The following CDKN2B-AS1 variants were observed in gnomAD, a reference collection of about 807,000 sequenced individuals.
CDKN2B-AS1 encodes the protein CDKN2B and CDKN2A antisense cis and trans regulatory RNA 1, also known as CDKN2B antisense RNA 1 (non-protein coding).
rs559963427 is a variant in CDKN2B-AS1 at position 22,049,682 on chromosome 9, G to T, written n.302+454G>T. 1.7e-3 allele frequency among the ~76,000 whole-genome samples: 252 copies of T among 152,234 alleles called. 4 individuals are homozygous for T. Among genetic ancestry groups the T allele is most frequent in the African/African-American group, 5.8e-3 (240 of 41,544 alleles). ...GGGATGACTCACATTAAGATCAAGGGCCCTGAAGTAAGACAGACCTGAGTC... is the reference window on the plus strand; with the variant it reads ...GGGATGACTCACATTAAGATCAAGGTCCCTGAAGTAAGACAGACCTGAGTC... On this transcript the variant is annotated intron_variant and non_coding_transcript_variant, in intron 3 of 4. Coordinates refer to ENST00000650946, the Ensembl canonical transcript of CDKN2B-AS1.
At chr9:22,103,532 A>G (rs1825561116) in intron 4 of CDKN2B-AS1, among the ~76,000 whole-genome samples, 1 of 152,174 alleles carries the variant, frequency 6.6e-6, no homozygotes, top group South Asian at 2.1e-4. Context: ...AATGCTGCCC[A>G]ATCAGAAGAT....
At chr9:22,070,141 A>T (rs1476369865) in intron 4 of CDKN2B-AS1, among the ~76,000 whole-genome samples, 2 of 152,158 alleles carry the variant, frequency 1.3e-5, no homozygotes, top group East Asian at 3.9e-4. Flanking sequence ...TATTATTGCC[A>T]AGTGGTTGGA....
chr9:22,089,631 G>A (rs1020829591), intron 4 of CDKN2B-AS1, among the ~76,000 whole-genome samples: 2 of 150,994 alleles, frequency 1.3e-5, no homozygotes, highest in Non-Finnish European at 2.9e-5. Flanking sequence ...CCCTTATTTT[G>A]TAGGGACAAG....
rs368420341 is a variant in CDKN2B-AS1, at chr9:22,071,184, A to G, written n.438+14797A>G. On this transcript the variant is annotated intron_variant and non_coding_transcript_variant, in intron 4 of 4. Coordinates refer to ENST00000650946, the Ensembl canonical transcript of CDKN2B-AS1. ...CTTCATTTTACAACTTAGGAGACTA[A>G]TATCTAGTATGACAAAGTGACTTGC... is the stretch of plus-strand genomic sequence containing the variant. Among the ~76,000 whole-genome samples the G allele has an allele frequency of 3.3e-5, 5 of 150,358 alleles. No homozygotes were observed. In the East Asian group the frequency reaches 7.8e-4, roughly 23 times the overall value.
chr9:22,058,513 T>A (rs1185339775), intron 4 of CDKN2B-AS1: 2 of 152,246 alleles, frequency 1.3e-5, no homozygotes, highest in Non-Finnish European at 2.9e-5. Context: ...CTTTCTAGGT[T>A]TGACAATGAG....
At chr9:22,127,599 G>C (rs1301474272) in exon 5 of CDKN2B-AS1, among the ~76,000 whole-genome samples, 1 of 152,134 alleles carries the variant, frequency 6.6e-6, no homozygotes, top group Non-Finnish European at 1.5e-5. Context: ...GGAACTTTGA[G>C]GGCAATGAGT....
rs1824228516 is a variant in CDKN2B-AS1 at position 22,070,055 on chromosome 9, C to A, written n.438+13668C>A. ...TAAATCTCACTCATTTTATGAAAAC[C>A]AAATGAACACTATCCTCACAATGGT... On this transcript the variant is annotated intron_variant and non_coding_transcript_variant, in intron 4 of 4. Coordinates refer to ENST00000650946, the Ensembl canonical transcript of CDKN2B-AS1. Among the ~76,000 whole-genome samples, 3 of 152,090 alleles carry A rather than the reference C, an allele frequency of 2.0e-5. No homozygotes were observed. The South Asian group carries it at 6.2e-4, about 32-fold the overall frequency.
intron 4 of CDKN2B-AS1, among the ~76,000 whole-genome samples, chr9:22,124,889 C>G (rs1196312445): frequency 6.6e-6 from 1 of 152,340 alleles, no homozygotes; most frequent in African/African-American, 2.4e-5. Context: ...ACCACAATGT[C>G]TACACGCAAA....
chr9:22,042,079 G>A (rs1822919165), intron 1 of CDKN2B-AS1, among the ~76,000 whole-genome samples: 1 of 152,042 alleles, frequency 6.6e-6, no homozygotes, highest in South Asian at 2.1e-4. Flanking sequence ...TAGCCCAGCA[G>A]GTTCTACGGG....
chr9:22,062,960 G>A (rs1823882202), intron 4 of CDKN2B-AS1, among the ~76,000 whole-genome samples: 3 of 127,176 alleles, frequency 2.4e-5, no homozygotes, highest in African/African-American at 1.0e-4. Context: ...TGACTTGTGT[G>A]TGTGTGTGAA....
chr9:22,059,416 C>G (rs949687334), intron 4 of CDKN2B-AS1, among the ~76,000 whole-genome samples: 1 of 152,210 alleles, frequency 6.6e-6, no homozygotes, highest in African/African-American at 2.4e-5. Flanking sequence ...CCAAAATGAT[C>G]TCCTGTGACT....
intron 4 of CDKN2B-AS1, chr9:22,097,437 T>G (rs73438867): frequency 8.5e-5 from 13 of 152,252 alleles, no homozygotes; most frequent in African/African-American, 3.1e-4. Context: ...GTCAATGAAA[T>G]GAAGGTCTGT....
intron 1 of CDKN2B-AS1, among the ~76,000 whole-genome samples, chr9:22,043,486 A>G (rs1023525549): frequency 1.6e-4 from 25 of 151,944 alleles, no homozygotes; most frequent in Admixed American, 1.5e-3. Context: ...TTGGGCACAT[A>G]TTAATATACT....
At position 22,071,010 on chromosome 9, in the gene CDKN2B-AS1, T is replaced by A. The variant is rs184927764; in HGVS notation, n.438+14623T>A. ...AGTGGACCAATGGGGGAAGATTAGG[T>A]CCTGGTGATGTGATTCAAGCCACTG... On this transcript the variant is annotated intron_variant and non_coding_transcript_variant, in intron 4 of 4. Coordinates refer to ENST00000650946, the Ensembl canonical transcript of CDKN2B-AS1. 2.3e-4 allele frequency among the ~76,000 whole-genome samples: 35 copies of A among 152,128 alleles called. No individual in the cohort carries two copies. In the East Asian group the frequency reaches 5.4e-3, roughly 23 times the overall value.
chr9:22,014,709 T>G (rs1419887780), intron 1 of CDKN2B-AS1, among the ~76,000 whole-genome samples: 1 of 151,484 alleles, frequency 6.6e-6, no homozygotes, highest in African/African-American at 2.4e-5. Flanking sequence ...GCTGCACCCA[T>G]TAACTTGTCA....
intron 4 of CDKN2B-AS1, among the ~76,000 whole-genome samples, chr9:22,097,946 G>A (rs879731977): frequency 6.6e-6 from 1 of 152,204 alleles, no homozygotes; most frequent in Non-Finnish European, 1.5e-5. Flanking sequence ...TTGAGGCTAT[G>A]AGTCAAAGCT....
At chr9:22,094,281 C>T (rs201448350) in intron 4 of CDKN2B-AS1, among the ~76,000 whole-genome samples, 20 of 143,254 alleles carry the variant, frequency 1.4e-4, no homozygotes, top group African/African-American at 4.7e-4. Flanking sequence ...TTGGCAAATC[C>T]GACAATTATG....
intron 1 of CDKN2B-AS1, among the ~76,000 whole-genome samples, chr9:22,018,928 G>T (rs989274785): frequency 1.3e-5 from 2 of 152,178 alleles, no homozygotes; most frequent in Non-Finnish European, 2.9e-5. Context: ...TGAGAGAGCT[G>T]ATCTGGTCTG....
Position 21,995,883 on chromosome 9 carries a change from C to T in CDKN2B-AS1, n.29+722C>T, listed in dbSNP as rs2518723. On this transcript the variant is annotated intron_variant and non_coding_transcript_variant, in intron 1 of 4. Transcript: ENST00000650946. This position sits in a 1 kb window ranked among gnomAD's most constrained non-coding sequence, Gnocchi z 5.7. ...CCGGAGCCTGCGGTCTGCCTGGATCCGTCCTAAACCTCGCGGGCTGGACCC... is the reference window on the plus strand; with the variant it reads ...CCGGAGCCTGCGGTCTGCCTGGATCTGTCCTAAACCTCGCGGGCTGGACCC... 0.47 allele frequency: 72,065 copies of T among 152,250 alleles called. 17,521 individuals carry two copies. The highest frequency in any genetic ancestry group is 0.53 in the African/African-American group (21,936 of 41,510). 9.4% of individuals were successfully genotyped at this position (152,250 alleles called of 1,614,324 possible).
Sources: allele counts gnomAD v4.1 joint callset (sites outside exome capture counted in the v4.1 genomes callset), GRCh38; gene constraint gnomAD v4.1.1; non-coding constraint Gnocchi (gnomAD v3.1); transcripts MANE v1.5; gene names NCBI Gene and HGNC (gene_info 2026-07-23, HGNC 2026-07-21).